Variants in GPAM observed in about 807,000 individuals in gnomAD.
The protein encoded by GPAM is glycerol-3-phosphate acyltransferase 1, mitochondrial.
Under a neutral mutation model 105.0 loss-of-function variants are expected in GPAM, and 56 were observed. The observed-to-expected ratio is 0.53, with a 90% CI of 0.43 to 0.67. GPAM has a LOEUF of 0.67. Ranked by LOEUF, GPAM falls within the 30% of genes least tolerant of loss-of-function variation. GPAM has a pLI of 0.00. For synonymous variants in GPAM, 368 were observed against 354.4 expected (o/e 1.04, Z -0.43); for missense variants, 855 against 989.8 (o/e 0.86, Z 1.83).
chr10:112,226,072 C>T, the GPAM span, among the ~76,000 whole-genome samples: 8 of 152,090 alleles, frequency 5.3e-5, no homozygotes, highest in African/African-American at 1.9e-4. Context: ...TGTGCCAGAT[C>T]CCAAGCTAGG....
At chr10:112,166,164 A>G (rs373565763) in intron 12 of GPAM, among the ~76,000 whole-genome samples, 2 of 152,300 alleles carry the variant, frequency 1.3e-5, no homozygotes, top group South Asian at 4.1e-4. Context: ...AAAAAAAAAT[A>G]ATAATAGCAA....
intron 1 of GPAM, among the ~76,000 whole-genome samples, chr10:112,208,603 C>T (rs1847876372): frequency 6.6e-6 from 1 of 152,104 alleles, no homozygotes; most frequent in Non-Finnish European, 1.5e-5. Flanking sequence ...GAAGGATATC[C>T]CAAGGGCTCC....
upstream of GPAM, among the ~76,000 whole-genome samples, chr10:112,217,976 G>A (rs1847987624): frequency 6.6e-6 from 1 of 152,214 alleles, no homozygotes; most frequent in African/African-American, 2.4e-5. Flanking sequence ...TGGCAATGAG[G>A]TCAACAAATA....
intron 1 of GPAM, among the ~76,000 whole-genome samples, chr10:112,196,893 A>C (rs970431995): frequency 6.6e-6 from 1 of 152,166 alleles, no homozygotes; most frequent in African/African-American, 2.4e-5. Flanking sequence ...TTCCCCCTTT[A>C]TCAATCACAT....
Position 112,160,042 on chromosome 10 carries a change from A to G in GPAM, c.1771T>C (p.Tyr591His). ...AGTCCCCTCTTGTTCAGAACTGCAT[A>G]AAGGCTGCAAGCTAAGAAAAGAAAA... ...IMEAIIACSL[Y>H]AVLNKRGLGG... Residue 591 changes from tyrosine to histidine, a missense_variant, in exon 17 of 22, where the codon TAT (tyrosine) becomes CAT (histidine). Coordinates refer to ENST00000348367, the MANE Select transcript of GPAM (RefSeq NM_001244949.2). 1 of 1,614,080 alleles carries G rather than the reference A, an allele frequency of 6.2e-7. No individual in the cohort carries two copies. Among genetic ancestry groups the G allele is most frequent in the Admixed American group, 1.7e-5 (1 of 60,026 alleles).
chr10:112,150,438 C>T lies in GPAM; in HGVS notation c.*3112G>A, dbSNP rs545527764. ...CTCCGATCACCTACATTATAATTTT[C>T]TGTGCTTATTTTCTGCAGGGGAGGA... On this transcript the variant is annotated 3_prime_UTR_variant, in exon 22 of 22. Coordinates refer to ENST00000348367, the MANE Select transcript of GPAM (RefSeq NM_001244949.2). 1 of 985,792 alleles carries T rather than the reference C, an allele frequency of 1.0e-6. No homozygotes were observed. The highest frequency in any genetic ancestry group is 1.7e-5 in the African/African-American group (1 of 57,356). 61.1% of individuals were successfully genotyped at this position (985,792 alleles called of 1,614,324 possible).
upstream of GPAM, among the ~76,000 whole-genome samples, chr10:112,186,270 TC>T (rs1479218453): frequency 6.6e-6 from 1 of 151,874 alleles, no homozygotes; most frequent in Non-Finnish European, 1.5e-5. Flanking sequence ...AATCAAGAGT[TC>T]TTTTTATATT....
Position 112,161,702 on chromosome 10 carries a change from T to C in GPAM, c.1459A>G (p.Ile487Val), listed in dbSNP as rs746343264. The change falls in exon 15 of 22, where the codon ATT becomes GTT. Residue 487 changes from isoleucine to valine, a missense_variant. Physicochemically the swap from Ile to Val is conservative, Grantham distance 29. Transcript: ENST00000348367. Reference protein sequence around the residue: ...SKSCAIMSTHIVACLLLYRHR... With the variant: ...SKSCAIMSTHVVACLLLYRHR... ...CTGTAGAGGAGCAGGCAAGCCACAA[T>C]GTGTGTGGACATAATGGCACAGGAC... The C allele has an allele frequency of 6.8e-6, 11 of 1,613,956 alleles. No individual in the cohort carries two copies. Among genetic ancestry groups the C allele is most frequent in the African/African-American group, 2.7e-5 (2 of 74,930 alleles).
chr10:112,154,339 A>G (rs1277870349), intron 21 of GPAM: 1 of 446,146 alleles, frequency 2.2e-6, no homozygotes, highest in East Asian at 4.0e-5. Flanking sequence ...AGGGATATTC[A>G]ACCTGTAGCA....
intron 15 of GPAM, 57 bp from the exon 16 acceptor site, chr10:112,160,925 G>A (rs1847113087): frequency 2.7e-6 from 4 of 1,482,962 alleles, no homozygotes; most frequent in Non-Finnish European, 3.7e-6. Context: ...CCAAAAAGCT[G>A]AGAGGCCAAC....
At chr10:112,172,891 G>A in intron 8 of GPAM, 79 bp downstream of exon 8, 1 of 822,470 alleles carries the variant, frequency 1.2e-6, no homozygotes. Flanking sequence ...CAGTACACAA[G>A]AAAACATTTC....
At chr10:112,167,637 G>A (rs1412660527) in intron 11 of GPAM, among the ~76,000 whole-genome samples, 1 of 152,166 alleles carries the variant, frequency 6.6e-6, no homozygotes, top group East Asian at 1.9e-4. Context: ...TCCAATTTAC[G>A]TAAGTGCAAA....
the GPAM span, among the ~76,000 whole-genome samples, chr10:112,224,036 C>T: frequency 6.6e-6 from 1 of 152,178 alleles, no homozygotes. Context: ...CCTCAGCATC[C>T]TTCTTAACAC....
intron 1 of GPAM, among the ~76,000 whole-genome samples, chr10:112,211,742 C>T (rs1255140332): frequency 6.6e-6 from 1 of 152,178 alleles, no homozygotes; most frequent in Non-Finnish European, 1.5e-5. Flanking sequence ...TCTGTACTCT[C>T]AAAGTAACCT....
intron 1 of GPAM, among the ~76,000 whole-genome samples, chr10:112,199,933 G>T (rs1011392118): frequency 4.6e-5 from 7 of 151,932 alleles, no homozygotes; most frequent in Non-Finnish European, 1.0e-4. Context: ...AGATTTGGGT[G>T]GGGACACAGC....
At chr10:112,208,588 A>C in intron 1 of GPAM, among the ~76,000 whole-genome samples, 1 of 152,184 alleles carries the variant, frequency 6.6e-6, no homozygotes, top group Admixed American at 6.5e-5. Context: ...GAAATCAAAA[A>C]CTAAGAAGGA....
In GPAM at chr10:112,151,613, C is replaced by G. The variant is rs1215613898; in HGVS notation, c.*1937G>C. The G allele has an allele frequency of 1.0e-6, 1 of 985,586 alleles. No homozygotes were observed. The highest frequency in any genetic ancestry group is 1.2e-6 in the Non-Finnish European group (1 of 829,936). The allele number at this position is 985,586 out of a possible 1,614,324, so 61.1% of individuals were successfully genotyped here. On this transcript the variant is annotated 3_prime_UTR_variant, in exon 22 of 22. Coordinates refer to ENST00000348367, the MANE Select transcript of GPAM (RefSeq NM_001244949.2). ...AATAATGCAAGAGAAGCCGTATTTT[C>G]TTTGCTTAGGTTGGCAAAGCAGCAG...
rs1207583126 is a variant in GPAM, at chr10:112,167,017, C to T, written c.1108-502G>A. Among the ~76,000 whole-genome samples the T allele has an allele frequency of 2.0e-5, 3 of 152,070 alleles. 1 individual carries two copies. The South Asian group carries it at 6.2e-4, about 32-fold the overall frequency. On this transcript the variant is annotated intron_variant, in intron 11 of 21. Transcript: ENST00000348367. The stretch of plus-strand genomic sequence containing the variant: ...CCTAGTATCTATTACACATAAGGCA[C>T]AATGACAGGACATATAACGGACACA...
At chr10:112,222,142 G>A in the GPAM span, among the ~76,000 whole-genome samples, 1 of 152,056 alleles carries the variant, frequency 6.6e-6, no homozygotes, top group Non-Finnish European at 1.5e-5. Context: ...AGTTATTCAG[G>A]TGCTTTATAA....
Sources: gnomAD v4.1 joint callset for allele counts (sites outside exome capture counted in the v4.1 genomes callset) on GRCh38, gnomAD v4.1.1 for gene constraint, MANE v1.5 for transcripts, NCBI Gene and HGNC (gene_info 2026-07-23, HGNC 2026-07-21) for gene names.